Variants in RAD51B observed in about 807,000 individuals in gnomAD.
RAD51B encodes the protein RAD51 paralog B, also known as DNA repair protein RAD51 homolog 2.
A neutral mutation model predicts 42.2 loss-of-function variants in RAD51B; 38 were observed. The ratio of observed to expected loss-of-function variants is 0.90; its 90% CI spans 0.70 to 1.18. RAD51B has a LOEUF of 1.18. Among genes scored for constraint, RAD51B ranks in the 50% most tolerant of loss-of-function variants. The probability of loss-of-function intolerance (pLI) is 0.00; values close to 1 mark genes in which losing one functional copy is unlikely to be tolerated. For missense variants in RAD51B, 373 were observed against 400.7 expected (o/e 0.93, Z 0.59); for synonymous variants, 154 against 145.2 (o/e 1.06, Z -0.43).
At chr14:68,678,104 G>C (rs1160591461) in intron 11 of RAD51B, among the ~76,000 whole-genome samples, 2 of 152,196 alleles carry the variant, frequency 1.3e-5, no homozygotes, top group Non-Finnish European at 2.9e-5. Context: ...ATGAGACTCA[G>C]AGATAAAATA....
intron 7 of RAD51B, among the ~76,000 whole-genome samples, chr14:67,956,511 A>G (rs1356659879): frequency 6.6e-6 from 1 of 152,164 alleles, no homozygotes; most frequent in East Asian, 1.9e-4. Flanking sequence ...ATAAAATAAA[A>G]TAAAATAAAA....
intron 8 of RAD51B, among the ~76,000 whole-genome samples, chr14:68,349,285 T>G (rs1030744049): frequency 1.3e-5 from 2 of 152,204 alleles, no homozygotes; most frequent in Non-Finnish European, 2.9e-5. Context: ...TTTTTAGACC[T>G]GATTAGCCTA....
chr14:68,409,030 G>T (rs929825485), intron 8 of RAD51B, among the ~76,000 whole-genome samples: 2 of 150,292 alleles, frequency 1.3e-5, no homozygotes, highest in African/African-American at 4.8e-5. Context: ...AGGTGTTGGG[G>T]ACTGATGGCC....
chr14:68,636,934 G>A (rs1350040839), intron 10 of RAD51B, among the ~76,000 whole-genome samples: 3 of 152,242 alleles, frequency 2.0e-5, no homozygotes, highest in African/African-American at 7.2e-5. Flanking sequence ...TTGTGGAATA[G>A]TTGCTCTCTA....
At chr14:68,558,861 A>G (rs569143353) in intron 10 of RAD51B, among the ~76,000 whole-genome samples, 18 of 152,230 alleles carry the variant, frequency 1.2e-4, no homozygotes, top group Admixed American at 9.8e-4. Flanking sequence ...GGGTGACACA[A>G]TTCAGTCCAC....
intron 7 of RAD51B, among the ~76,000 whole-genome samples, chr14:68,099,227 A>T (rs1208121436): frequency 6.6e-6 from 1 of 152,206 alleles, no homozygotes; most frequent in African/African-American, 2.4e-5. Context: ...AGAATAGGAT[A>T]CTGGTCCTGG....
chr14:68,139,935 A>G (rs964387972), intron 7 of RAD51B, among the ~76,000 whole-genome samples: 8 of 152,176 alleles, frequency 5.3e-5, no homozygotes, highest in Admixed American at 2.6e-4. Flanking sequence ...GTTGAAAGCC[A>G]GGTGACCCTT....
At chr14:68,153,656 A>G (rs542501229) in intron 7 of RAD51B, among the ~76,000 whole-genome samples, 3 of 152,066 alleles carry the variant, frequency 2.0e-5, no homozygotes, top group African/African-American at 7.2e-5. Context: ...GTGTCTATTC[A>G]TGTCCTTTTT....
intron 10 of RAD51B, among the ~76,000 whole-genome samples, chr14:68,604,404 T>C (rs773790014): frequency 1.3e-5 from 2 of 152,178 alleles, no homozygotes; most frequent in Non-Finnish European, 2.9e-5. Context: ...CAATTATCGG[T>C]GGCCACTGAG....
chr14:68,171,692 G>A (rs1384604115), intron 7 of RAD51B, among the ~76,000 whole-genome samples: 1 of 151,888 alleles, frequency 6.6e-6, no homozygotes, highest in Non-Finnish European at 1.5e-5. Context: ...CTTTCATCTT[G>A]TTTGTCATAT....
At chr14:68,464,788 T>C (rs1025025260) in intron 9 of RAD51B, among the ~76,000 whole-genome samples, 5 of 152,352 alleles carry the variant, frequency 3.3e-5, no homozygotes, top group Admixed American at 1.3e-4. Context: ...AGAAAGGAAA[T>C]GGAATTCATC....
intron 7 of RAD51B, among the ~76,000 whole-genome samples, chr14:68,098,054 A>G (rs564742556): frequency 1.5e-4 from 23 of 152,286 alleles, no homozygotes; most frequent in African/African-American, 5.3e-4. Flanking sequence ...ACTTGTTCTC[A>G]TAGACATTTA....
At chr14:68,121,514 T>C (rs1481882083) in intron 7 of RAD51B, among the ~76,000 whole-genome samples, 1 of 152,104 alleles carries the variant, frequency 6.6e-6, no homozygotes, top group Non-Finnish European at 1.5e-5. Flanking sequence ...CTTGCTAACC[T>C]AAAAACGAAA....
At chr14:68,131,891 A>G (rs1276494464) in intron 7 of RAD51B, among the ~76,000 whole-genome samples, 4 of 152,226 alleles carry the variant, frequency 2.6e-5, no homozygotes, top group African/African-American at 7.2e-5. Context: ...ACTTAGCCTA[A>G]AAAAGAGAAA....
chr14:68,187,822 CTT>C (rs758891293), intron 7 of RAD51B, among the ~76,000 whole-genome samples: 2 of 151,292 alleles, frequency 1.3e-5, no homozygotes, highest in Non-Finnish European at 3.0e-5. Context: ...GTTTATTTTT[CTT>C]TGTTTTTTGA....
intron 11 of RAD51B, among the ~76,000 whole-genome samples, chr14:68,671,453 C>T (rs1162808958): frequency 6.6e-6 from 1 of 152,098 alleles, no homozygotes; most frequent in Non-Finnish European, 1.5e-5. Flanking sequence ...CCCCTATCCT[C>T]CTCCATCCCT....
At chr14:67,939,033 T>G (rs2045061165) in intron 7 of RAD51B, among the ~76,000 whole-genome samples, 1 of 152,200 alleles carries the variant, frequency 6.6e-6, no homozygotes, top group Non-Finnish European at 1.5e-5. Context: ...GGGCTCTAAT[T>G]TGAGAGACTA....
chr14:68,605,960 G>T (rs1891428955), intron 10 of RAD51B, among the ~76,000 whole-genome samples: 1 of 152,166 alleles, frequency 6.6e-6, no homozygotes, highest in African/African-American at 2.4e-5. Context: ...TCCCGCCAGG[G>T]ACATAGACAC....
At chr14:67,833,250 C>T (rs2041116539) in intron 3 of RAD51B, among the ~76,000 whole-genome samples, 2 of 152,120 alleles carry the variant, frequency 1.3e-5, no homozygotes, top group Non-Finnish European at 2.9e-5. Context: ...GTGGCAGGCA[C>T]CTGTAATCCC....
Sources: gnomAD v4.1 joint callset for allele counts (sites outside exome capture counted in the v4.1 genomes callset) on GRCh38, gnomAD v4.1.1 for gene constraint, MANE v1.5 for transcripts, NCBI Gene and HGNC (gene_info 2026-07-23, HGNC 2026-07-21) for gene names.